FRMPD4: variants seen among roughly 807,000 people sequenced by gnomAD.
FRMPD4 encodes FERM and PDZ domain containing 4, also known as FERM and PDZ domain-containing protein 4.
Under a neutral mutation model 94.1 loss-of-function variants are expected in FRMPD4, and 22 were observed. The observed-to-expected ratio is 0.23, with a 90% CI of 0.17 to 0.33. FRMPD4 has a LOEUF of 0.33. Among genes scored for constraint, FRMPD4 ranks in the 10% least tolerant of loss-of-function variants. The probability of loss-of-function intolerance (pLI) is 1.00; values close to 1 mark genes in which losing one functional copy is unlikely to be tolerated. For synonymous variants in FRMPD4, 631 were observed against 548.6 expected (o/e 1.15, Z -2.10); for missense variants, 1,111 against 1,339.9 (o/e 0.83, Z 2.67).
At chrX:11,870,254 C>T (rs932788368) in intron 2 of FRMPD4, among the ~76,000 whole-genome samples, 14 of 111,692 alleles carry the variant, frequency 1.3e-4, no homozygotes, top group Admixed American at 1.9e-4. Flanking sequence ...ACCCCAAATT[C>T]GGGAAATTAT....
chrX:11,833,013 C>A (rs1418461550), intron 1 of FRMPD4, among the ~76,000 whole-genome samples: 2 of 112,457 alleles, frequency 1.8e-5, no homozygotes, highest in African/African-American at 6.5e-5. Flanking sequence ...TCCCTACTAA[C>A]CCATGATAAC....
intron 3 of FRMPD4, among the ~76,000 whole-genome samples, chrX:11,979,565 A>G (rs772163952): frequency 8.9e-6 from 1 of 111,985 alleles, no homozygotes; most frequent in Non-Finnish European, 1.9e-5. Flanking sequence ...ATTGTTGCCA[A>G]TTTAGTGGCA....
At chrX:12,579,199 T>C (rs754072052) in intron 2 of FRMPD4, among the ~76,000 whole-genome samples, 4 of 112,567 alleles carry the variant, frequency 3.6e-5, no homozygotes, top group Admixed American at 1.9e-4. Context: ...TGTTTGATAG[T>C]GCTAAATGAA....
chrX:12,640,171 C>T (rs901993235), intron 4 of FRMPD4, among the ~76,000 whole-genome samples: 8 of 108,216 alleles, frequency 7.4e-5, no homozygotes, highest in East Asian at 2.9e-4. Flanking sequence ...TTGTGGCTCA[C>T]GCCTGTAATC....
At chrX:12,538,138 C>T (rs1055704304) in intron 2 of FRMPD4, among the ~76,000 whole-genome samples, 1 of 111,369 alleles carries the variant, frequency 9.0e-6, no homozygotes, top group Non-Finnish European at 1.9e-5. Context: ...CCTAATACTG[C>T]GCTTTTCCAA....
At chrX:12,300,010 G>A (rs528485032) in intron 1 of FRMPD4, among the ~76,000 whole-genome samples, 2 of 112,203 alleles carry the variant, frequency 1.8e-5, no homozygotes, top group African/African-American at 6.5e-5. Flanking sequence ...AGGAAATCAC[G>A]TGAAAACAGA....
chrX:12,027,160 T>C (rs958716510), intron 3 of FRMPD4, among the ~76,000 whole-genome samples: 10 of 112,342 alleles, frequency 8.9e-5, no homozygotes, highest in African/African-American at 2.6e-4. Context: ...TTTTGACTTA[T>C]ATCTGTTCAA....
At chrX:12,616,825 T>G (rs2148427869) in intron 4 of FRMPD4, among the ~76,000 whole-genome samples, 1 of 112,122 alleles carries the variant, frequency 8.9e-6, no homozygotes, top group East Asian at 2.8e-4. Flanking sequence ...TGGCAGAAGT[T>G]GCATGGATGT....
At chrX:11,834,117 C>T (rs998864456) in intron 1 of FRMPD4, among the ~76,000 whole-genome samples, 5 of 111,694 alleles carry the variant, frequency 4.5e-5, no homozygotes, top group Non-Finnish European at 9.4e-5. Context: ...TAAGTTCTCT[C>T]TTGGCTCTTA....
At chrX:12,541,562 G>C (rs1488556574) in intron 2 of FRMPD4, among the ~76,000 whole-genome samples, 2 of 111,390 alleles carry the variant, frequency 1.8e-5, no homozygotes, top group African/African-American at 6.5e-5. Context: ...TCCCTGAATA[G>C]ACCAATAACA....
intron 2 of FRMPD4, among the ~76,000 whole-genome samples, chrX:12,519,862 G>A (rs1282546580): frequency 2.7e-5 from 3 of 111,756 alleles, no homozygotes; most frequent in Admixed American, 9.4e-5. Context: ...TACCACATAC[G>A]TTAGGATAGC....
chrX:12,381,521 T>TG (rs144677778), intron 1 of FRMPD4, among the ~76,000 whole-genome samples: 1,310 of 110,813 alleles, frequency 0.012, 7 homozygotes, highest in Non-Finnish European at 0.018. Context: ...GTGTTTTTTT[T>TG]GGGGAAGAAA....
chrX:12,578,574 T>G lies in FRMPD4; in HGVS notation c.159-31147T>G, dbSNP rs930649180. ...TTCTGAGATATATATATACATACTG[T>G]ATAGTGTGTTTGTGTGTTTATGTTA... is the stretch of plus-strand genomic sequence containing the variant. On this transcript the variant is annotated intron_variant, in intron 2 of 16. Transcript: ENST00000675598. Among the ~76,000 whole-genome samples the G allele has an allele frequency of 2.7e-5, 3 of 111,966 alleles. No homozygotes were observed. The Admixed American group carries it at 2.8e-4, about 11-fold the overall frequency.
chrX:11,915,649 A>G (rs1004838693), intron 3 of FRMPD4, among the ~76,000 whole-genome samples: 2 of 112,516 alleles, frequency 1.8e-5, no homozygotes, highest in Admixed American at 9.4e-5. Flanking sequence ...CAATAGCCAT[A>G]TGTTGTAGTG....
At chrX:12,117,135 A>G (rs1454697588) in intron 3 of FRMPD4, among the ~76,000 whole-genome samples, 1 of 111,936 alleles carries the variant, frequency 8.9e-6, no homozygotes, top group African/African-American at 3.2e-5. Flanking sequence ...AGAAGTTGCC[A>G]AAGTCAACTA....
chrX:12,439,117 G>T (rs1033408740), intron 1 of FRMPD4, among the ~76,000 whole-genome samples: 1 of 111,472 alleles, frequency 9.0e-6, no homozygotes, highest in African/African-American at 3.3e-5. Flanking sequence ...CCAGGACAAA[G>T]TTCAGGTGGG....
At position 11,844,667 on chromosome X, in the gene FRMPD4, G is replaced by T. The variant is rs780988793; in HGVS notation, c.-160-20419G>T. On this transcript the variant is annotated intron_variant, in intron 1 of 18. Coordinates refer to the FRMPD4 transcript ENST00000640291. ...TCTTTTGCTGCTTTCAAGATTTTCTGTTTGCCTTTTTGTCATGTTGTGAAT... is the reference window on the plus strand; with the variant it reads ...TCTTTTGCTGCTTTCAAGATTTTCTTTTTGCCTTTTTGTCATGTTGTGAAT... Among the ~76,000 whole-genome samples, 7 of 111,694 alleles carry T rather than the reference G, an allele frequency of 6.3e-5. No individual in the cohort carries two copies. The South Asian group carries it at 2.6e-3, about 41-fold the overall frequency.
rs1043974295 is a variant in FRMPD4, at chrX:12,390,995, T to C, written c.42-107685T>C. Among the ~76,000 whole-genome samples, 33 of 111,916 alleles carry C rather than the reference T, an allele frequency of 2.9e-4. 1 individual carries two copies. Among genetic ancestry groups the C allele is most frequent in the Admixed American group, 2.8e-3 (30 of 10,553 alleles). ...TCAACATGGCAGGTACTTCATAGAG[T>C]CAGTCCTTTGACATAGAAGGCCTTT... On this transcript the variant is annotated intron_variant, in intron 1 of 16. Coordinates refer to ENST00000675598, the MANE Select transcript of FRMPD4 (RefSeq NM_001368397.1).
At chrX:12,682,023 T>G (rs926331219) in intron 5 of FRMPD4, among the ~76,000 whole-genome samples, 17 of 111,538 alleles carry the variant, frequency 1.5e-4, no homozygotes, top group Non-Finnish European at 2.6e-4. Context: ...ATTAGCCTAT[T>G]CTGGACATTG....
Sources: allele counts gnomAD v4.1 joint callset (sites outside exome capture counted in the v4.1 genomes callset), GRCh38; gene constraint gnomAD v4.1.1; transcripts MANE v1.5; gene names NCBI Gene and HGNC (gene_info 2026-07-23, HGNC 2026-07-21).